The following WDR41 variants were observed in gnomAD, a reference collection of about 807,000 sequenced individuals.
The protein encoded by WDR41 is WD repeat domain 41, also known as WD repeat-containing protein 41.
Under a neutral mutation model 69.3 loss-of-function variants are expected in WDR41, and 63 were observed. The ratio of observed to expected loss-of-function variants is 0.91; its 90% confidence interval spans 0.74 to 1.12. The LOEUF (loss-of-function observed/expected upper bound fraction) is 1.12, where lower values mean the gene tolerates loss of function less well. Ranked by LOEUF, WDR41 falls within the 50% of genes most tolerant of loss-of-function variation. WDR41 has a pLI of 0.00. For synonymous variants in WDR41, 185 were observed against 192.1 expected (o/e 0.96, Z 0.31); for missense variants, 543 against 534.5 (o/e 1.02, Z -0.16).
chr5:77,528,497 T>C (rs1489630175), intron 1 of WDR41, among the ~76,000 whole-genome samples: 2 of 151,266 alleles, frequency 1.3e-5, no homozygotes, highest in African/African-American at 4.8e-5. Context: ...TTCCAGAAAA[T>C]AGGAAAATGA....
intron 1 of WDR41, among the ~76,000 whole-genome samples, chr5:77,531,104 T>A (rs969663362): frequency 2.0e-5 from 3 of 151,878 alleles, no homozygotes; most frequent in African/African-American, 4.8e-5. Flanking sequence ...AGCAATGGAT[T>A]TCTAGATATA....
At chr5:77,518,464 C>T (rs529282093) in intron 1 of WDR41, among the ~76,000 whole-genome samples, 1 of 151,990 alleles carries the variant, frequency 6.6e-6, no homozygotes, top group Non-Finnish European at 1.5e-5. Flanking sequence ...ATGGAGTTAA[C>T]TGGAATTTAT....
intron 6 of WDR41, among the ~76,000 whole-genome samples, chr5:77,453,250 T>C (rs1799694225): frequency 6.6e-6 from 1 of 152,194 alleles, no homozygotes; most frequent in Non-Finnish European, 1.5e-5. Context: ...CAATAGTTAG[T>C]GTGACTTCAA....
chr5:77,553,218 G>C (rs945810907), intron 1 of WDR41, among the ~76,000 whole-genome samples: 1 of 152,286 alleles, frequency 6.6e-6, no homozygotes, highest in African/African-American at 2.4e-5. Context: ...ATTTTTCACA[G>C]CTCTGGAGGA....
intron 6 of WDR41, 87 bp downstream of exon 6, chr5:77,453,730 C>G (rs560535599): frequency 1.9e-5 from 21 of 1,082,694 alleles, no homozygotes; most frequent in Non-Finnish European, 2.9e-5. Flanking sequence ...CTATATTGAC[C>G]TTTCTACTTA....
intron 1 of WDR41, chr5:77,582,587 T>G (rs1743959139): frequency 6.2e-7 from 1 of 1,600,170 alleles, no homozygotes; most frequent in African/African-American, 1.3e-5. Flanking sequence ...GAAATTCGAG[T>G]GGCGAGGATG....
At chr5:77,464,669 G>T in intron 3 of WDR41, 92 bp downstream of exon 3, 3 of 1,290,310 alleles carry the variant, frequency 2.3e-6, no homozygotes, top group Non-Finnish European at 3.3e-6. Flanking sequence ...ACAGTGATAT[G>T]TAAATGTATC....
At chr5:77,538,256 G>A (rs59648316) in intron 1 of WDR41, among the ~76,000 whole-genome samples, 16,568 of 152,124 alleles carry the variant, frequency 0.11, 1,937 homozygotes, top group African/African-American at 0.27. Flanking sequence ...TTCTACCCAT[G>A]TCGCTGCAAA....
Position 77,547,457 on chromosome 5 carries a change from G to C in WDR41, c.43-57885C>G, listed in dbSNP as rs189612975. Among the ~76,000 whole-genome samples, 307 of 151,730 alleles carry C rather than the reference G, an allele frequency of 2.0e-3. 3 individuals are homozygous for C. Among genetic ancestry groups the C allele is most frequent in the Non-Finnish European group, 1.7e-3 (113 of 67,946 alleles). On this transcript the variant is annotated intron_variant, in intron 1 of 5. Coordinates refer to the WDR41 transcript ENST00000509971. ...ACAAATTACTGTACACAAATCAGTA[G>C]CTCTTCTATACACCAACGGTGACCA...
chr5:77,609,303 T>C (rs1744491721), intron 1 of WDR41, among the ~76,000 whole-genome samples: 1 of 152,174 alleles, frequency 6.6e-6, no homozygotes, highest in Non-Finnish European at 1.5e-5. Flanking sequence ...AAGAGAGCAG[T>C]GGTTCTCCCA....
At chr5:77,574,222 C>T (rs181350221) in intron 1 of WDR41, among the ~76,000 whole-genome samples, 17 of 152,096 alleles carry the variant, frequency 1.1e-4, no homozygotes, top group East Asian at 9.7e-4. Flanking sequence ...TGCTTGAACC[C>T]GGGAGGCGAA....
At chr5:77,538,748 T>C (rs994321656) in intron 1 of WDR41, among the ~76,000 whole-genome samples, 3 of 152,236 alleles carry the variant, frequency 2.0e-5, no homozygotes, top group African/African-American at 4.8e-5. Flanking sequence ...GCTGGTCTTG[T>C]AACAAATTTT....
At chr5:77,526,362 C>T (rs558307628) in intron 1 of WDR41, among the ~76,000 whole-genome samples, 2 of 151,936 alleles carry the variant, frequency 1.3e-5, no homozygotes, top group East Asian at 3.9e-4. Flanking sequence ...ACAATGATCC[C>T]TTAATATCAT....
In WDR41 at chr5:77,476,741, G is replaced by C. The variant is rs970035349; in HGVS notation, c.168-11932C>G. Reference sequence around the variant, plus strand: ...ATCATGCCAAAATGTAAAGACCATCGAGACTAGGAAGAAACTGCATCAACT... The same window carrying C: ...ATCATGCCAAAATGTAAAGACCATCCAGACTAGGAAGAAACTGCATCAACT... On this transcript the variant is annotated intron_variant, in intron 2 of 12. Transcript: ENST00000296679. 2.0e-5 allele frequency among the ~76,000 whole-genome samples: 3 copies of C among 150,626 alleles called. No homozygotes were observed. In the East Asian group the frequency reaches 5.9e-4, roughly 29 times the overall value.
intron 3 of WDR41, among the ~76,000 whole-genome samples, chr5:77,463,831 A>C (rs1452227922): frequency 6.6e-6 from 1 of 152,238 alleles, no homozygotes; most frequent in African/African-American, 2.4e-5. Context: ...AATCTTTCCA[A>C]GATTGCAGGA....
chr5:77,501,619 C>T (rs1802019370), intron 1 of WDR41, among the ~76,000 whole-genome samples: 1 of 152,180 alleles, frequency 6.6e-6, no homozygotes, highest in Non-Finnish European at 1.5e-5. Flanking sequence ...GAGACACCTC[C>T]CAGTAGGGGC....
At chr5:77,552,427 A>G (rs951396661) in intron 1 of WDR41, among the ~76,000 whole-genome samples, 1 of 152,210 alleles carries the variant, frequency 6.6e-6, no homozygotes, top group Non-Finnish European at 1.5e-5. Context: ...ATGTTTATGA[A>G]CTGGAAGACT....
At chr5:77,613,866 GA>G (rs1744617532) in intron 1 of WDR41, among the ~76,000 whole-genome samples, 3 of 152,100 alleles carry the variant, frequency 2.0e-5, no homozygotes, top group Admixed American at 2.0e-4. Context: ...GCAACCTACA[GA>G]ATGGGAGAAA....
At chr5:77,554,178 A>C (rs867315987) in intron 1 of WDR41, among the ~76,000 whole-genome samples, 2 of 152,296 alleles carry the variant, frequency 1.3e-5, no homozygotes, top group Middle Eastern at 3.4e-3. Flanking sequence ...ATAATCCCCA[A>C]AAGTTACACA....
Sources: gnomAD v4.1 joint callset for allele counts (sites outside exome capture counted in the v4.1 genomes callset) on GRCh38, gnomAD v4.1.1 for gene constraint, MANE v1.5 for transcripts, NCBI Gene and HGNC (gene_info 2026-07-23, HGNC 2026-07-21) for gene names.